EMILIN2: variants seen among roughly 807,000 people sequenced by gnomAD.
EMILIN2 encodes the protein elastin microfibril interfacer 2.
Under a neutral mutation model 87.1 loss-of-function variants are expected in EMILIN2, and 71 were observed. The observed-to-expected ratio is 0.82, with a 90% confidence interval of 0.67 to 0.99. The LOEUF is 0.99. EMILIN2 is among the 50% of genes least tolerant of loss of function. The pLI, the probability that EMILIN2 is intolerant of heterozygous loss-of-function variation, is 0.00. For missense variants in EMILIN2, 1,407 were observed against 1,371.8 expected (o/e 1.03, Z -0.40); for synonymous variants, 581 against 563.4 (o/e 1.03, Z -0.44).
At chr18:2,882,657 T>G (rs2076782398) in intron 2 of EMILIN2, among the ~76,000 whole-genome samples, 1 of 151,860 alleles carries the variant, frequency 6.6e-6, no homozygotes, top group Admixed American at 6.6e-5. Flanking sequence ...AAAGGGTGGG[T>G]AGATCACCTG....
intron 2 of EMILIN2, among the ~76,000 whole-genome samples, chr18:2,865,899 G>T (rs554463875): frequency 2.0e-5 from 3 of 152,198 alleles, no homozygotes; most frequent in African/African-American, 4.8e-5. Flanking sequence ...CTACTCAAGC[G>T]TCGGCAATGG....
chr18:2,849,243 AC>A (rs2076591867), intron 2 of EMILIN2, among the ~76,000 whole-genome samples: 1 of 152,226 alleles, frequency 6.6e-6, no homozygotes, highest in African/African-American at 2.4e-5. Flanking sequence ...TGGGAGTGAT[AC>A]AAACTAAGTA....
At chr18:2,852,882 T>G (rs1348206016) in intron 2 of EMILIN2, among the ~76,000 whole-genome samples, 1 of 152,180 alleles carries the variant, frequency 6.6e-6, no homozygotes, top group Non-Finnish European at 1.5e-5. Context: ...AATTGGGATG[T>G]CTTCTCTCTC....
intron 2 of EMILIN2, among the ~76,000 whole-genome samples, chr18:2,856,096 C>T (rs562004043): frequency 1.2e-4 from 19 of 152,166 alleles, no homozygotes; most frequent in South Asian, 6.2e-4. Context: ...GAAGCTCAGC[C>T]GGGCACGGTA....
intron 4 of EMILIN2, among the ~76,000 whole-genome samples, chr18:2,899,143 A>G (rs757172277): frequency 6.6e-6 from 1 of 152,224 alleles, no homozygotes; most frequent in Non-Finnish European, 1.5e-5. Flanking sequence ...AGCAGCAGGG[A>G]TGAGGTGAGG....
chr18:2,906,015 G>A (rs1234374133), intron 4 of EMILIN2, among the ~76,000 whole-genome samples: 1 of 152,140 alleles, frequency 6.6e-6, no homozygotes, highest in Non-Finnish European at 1.5e-5. Context: ...AATGTGTTGC[G>A]CTTTGGAACT....
At chr18:2,885,277 A>G (rs2076798146) in intron 3 of EMILIN2, 138 bp downstream of exon 3, 3 of 921,042 alleles carry the variant, frequency 3.3e-6, no homozygotes, top group South Asian at 2.4e-5. Flanking sequence ...CAGTAGCCAC[A>G]TGTGACAAAT....
Position 2,892,047 on chromosome 18 carries a change from G to A in EMILIN2, c.1920G>A (p.Met640Ile). The A allele has an allele frequency of 2.5e-6, 4 of 1,614,238 alleles. No homozygotes were observed. Among genetic ancestry groups the A allele is most frequent in the African/African-American group, 1.3e-5 (1 of 75,052 alleles). Residue 640 changes from methionine (M) to isoleucine (I), a missense_variant, in exon 4 of 8, where the codon ATG becomes ATA. Transcript: ENST00000254528. The part of the protein sequence containing the change: ...SNCRAGENAG[M>I]GRFTKVGEQE... ...GTAGAGCAGGTGAAAACGCTGGCAT[G>A]GGTAGGTTCACTAAGGTGGGTGAGC...
Position 2,913,229 on chromosome 18 carries a change from C to CA in EMILIN2, c.2988dup (p.Gly997ArgfsTer39). 1 of 1,614,122 alleles carries CA rather than the reference C, an allele frequency of 6.2e-7. No individual in the cohort carries two copies. Among genetic ancestry groups the CA allele is most frequent in the South Asian group, 1.1e-5 (1 of 91,090 alleles). On this transcript the variant is annotated frameshift_variant, in exon 8 of 8. Coordinates refer to ENST00000254528, the MANE Select transcript of EMILIN2 (RefSeq NM_032048.3). LOFTEE classifies it high-confidence loss of function. ...GAGTTCCTGGAATACCACCGCCCTC[C>CA]AGGAGCTTTGCATACCTGCGGGGGC...
intron 2 of EMILIN2, among the ~76,000 whole-genome samples, chr18:2,857,993 A>G (rs1160350842): frequency 6.6e-6 from 1 of 152,162 alleles, no homozygotes; most frequent in Non-Finnish European, 1.5e-5. Flanking sequence ...TGGCAAGGCA[A>G]GGCACAGATC....
At chr18:2,907,329 G>C (rs1441855435) in intron 5 of EMILIN2, among the ~76,000 whole-genome samples, 2 of 152,232 alleles carry the variant, frequency 1.3e-5, no homozygotes, top group Non-Finnish European at 1.5e-5. Flanking sequence ...GGCCCCGCCG[G>C]TTGGAGTACG....
At chr18:2,852,293 T>C (rs1187525249) in intron 2 of EMILIN2, among the ~76,000 whole-genome samples, 2 of 152,184 alleles carry the variant, frequency 1.3e-5, no homozygotes, top group Non-Finnish European at 2.9e-5. Context: ...ACTGGCAGAT[T>C]GAACGCTTAA....
At chr18:2,865,651 G>A (rs2076682880) in intron 2 of EMILIN2, among the ~76,000 whole-genome samples, 1 of 152,230 alleles carries the variant, frequency 6.6e-6, no homozygotes, top group Non-Finnish European at 1.5e-5. Context: ...AGGCTACTCA[G>A]GGATCAGGGA....
intron 2 of EMILIN2, among the ~76,000 whole-genome samples, chr18:2,868,396 T>C (rs1598489276): frequency 6.6e-6 from 1 of 151,712 alleles, no homozygotes; most frequent in Non-Finnish European, 1.5e-5. Flanking sequence ...CCCGACAGGG[T>C]GGCGGCTGGG....
chr18:2,891,395 C>G lies in EMILIN2; in HGVS notation c.1268C>G (p.Thr423Ser). 1.2e-6 allele frequency: 2 copies of G among 1,614,152 alleles called. No individual in the cohort carries two copies. Among genetic ancestry groups the G allele is most frequent in the Non-Finnish European group, 1.7e-6 (2 of 1,180,034 alleles). The change falls in exon 4 of 8, where the codon ACC (threonine) becomes AGC (serine). Residue 423 changes from threonine (T) to serine (S), a missense_variant. Thr to Ser is a moderately conservative substitution (Grantham distance 58, BLOSUM62 1). Transcript: ENST00000254528. This position sits in a 1 kb window ranked among gnomAD's most constrained non-coding sequence, Gnocchi z 4.6. ...DQKIERVAEA[T>S]RMLNGRLDNE... ...AAAATCGAGAGAGTTGCTGAAGCCA[C>G]CAGAATGCTGAATGGAAGACTGGAC...
rs182630398 is a variant in EMILIN2, at chr18:2,867,787, T to G, written c.258-17177T>G. 4.7e-3 allele frequency among the ~76,000 whole-genome samples: 713 copies of G among 152,374 alleles called. 11 individuals are homozygous for G. The highest frequency in any genetic ancestry group is 0.016 in the African/African-American group (685 of 41,586). On this transcript the variant is annotated intron_variant, in intron 2 of 7. Coordinates refer to ENST00000254528, the MANE Select transcript of EMILIN2 (RefSeq NM_032048.3). ...ACACGGCAACCATCCGATTTCTCAG[T>G]CTTTTCCCCACCTTTCCCTCCTCTC...
chr18:2,849,917 G>T (rs1598482601), intron 2 of EMILIN2, among the ~76,000 whole-genome samples: 1 of 133,440 alleles, frequency 7.5e-6, no homozygotes, highest in Admixed American at 6.9e-5. Flanking sequence ...TTTCTTTTTT[G>T]TTTTTTGTTT....
intron 2 of EMILIN2, among the ~76,000 whole-genome samples, chr18:2,882,262 T>G (rs901684840): frequency 6.6e-6 from 1 of 152,202 alleles, no homozygotes; most frequent in Admixed American, 6.5e-5. Flanking sequence ...AGCCCTTGTT[T>G]TTCCATTTTA....
At position 2,891,977 on chromosome 18, in the gene EMILIN2, A is replaced by G. The variant is rs780942500; in HGVS notation, c.1850A>G (p.His617Arg). ...AGTTTTCTTTATTCTCAATTAAACC[A>G]CACAGAAAATGATGTGACTCATCTT... The part of the protein sequence containing the change: ...DFSFLYSQLN[H>R]TENDVTHLQK... The change falls in exon 4 of 8, where the codon CAC (histidine) becomes CGC (arginine). Residue 617 changes from histidine (H) to arginine (R), a missense_variant. By Grantham distance (29) the His-to-Arg change is conservative. Transcript: ENST00000254528. This position sits in a 1 kb window ranked among gnomAD's most constrained non-coding sequence, Gnocchi z 4.6. 3.2e-5 allele frequency: 52 copies of G among 1,614,100 alleles called. 2 individuals are homozygous for G. The South Asian group carries it at 4.5e-4, about 14-fold the overall frequency.
Sources: gnomAD v4.1 joint callset for allele counts (sites outside exome capture counted in the v4.1 genomes callset) on GRCh38, gnomAD v4.1.1 for gene constraint, Gnocchi (gnomAD v3.1) non-coding constraint, MANE v1.5 for transcripts, NCBI Gene and HGNC (gene_info 2026-07-23, HGNC 2026-07-21) for gene names.